Variants in JAKMIP2 observed in about 807,000 individuals in gnomAD.
JAKMIP2 encodes the protein janus kinase and microtubule-interacting protein 2.
Under a neutral mutation model 115.0 loss-of-function variants are expected in JAKMIP2, and 25 were observed. The ratio of observed to expected loss-of-function variants is 0.22; its 90% CI spans 0.16 to 0.30. JAKMIP2 has a LOEUF of 0.30. JAKMIP2 is among the 10% of genes least tolerant of loss of function. JAKMIP2 has a pLI of 1.00. For synonymous variants in JAKMIP2, 334 were observed against 343.6 expected, an observed-to-expected ratio of 0.97 and a Z score of 0.31; for missense variants, 642 against 957.6, an observed-to-expected ratio of 0.67 and a Z score of 4.35.
intron 20 of JAKMIP2, among the ~76,000 whole-genome samples, chr5:147,607,063 G>C (rs1397219648): frequency 6.6e-6 from 1 of 152,152 alleles, no homozygotes. Context: ...TCAGCTTAAG[G>C]AGTTTTTGGG....
intron 1 of JAKMIP2, among the ~76,000 whole-genome samples, chr5:147,764,184 C>G (rs1755028643): frequency 6.6e-6 from 1 of 152,112 alleles, no homozygotes; most frequent in South Asian, 2.1e-4. Flanking sequence ...GAATTTGTTC[C>G]TCAAACAGAG....
At chr5:147,597,351 T>A (rs1024611194) in intron 21 of JAKMIP2, among the ~76,000 whole-genome samples, 17 of 152,212 alleles carry the variant, frequency 1.1e-4, no homozygotes, top group Admixed American at 1.0e-3. Context: ...ATGTGCCTTT[T>A]AAAATTTTTC....
intron 1 of JAKMIP2, among the ~76,000 whole-genome samples, chr5:147,773,513 T>G (rs1046901033): frequency 6.6e-6 from 1 of 152,134 alleles, no homozygotes; most frequent in Admixed American, 6.6e-5. Context: ...TGGCTAGAAA[T>G]ATTAATTCTT....
At chr5:147,637,436 G>GTTTTTTTTTTT (rs1561506660) in intron 10 of JAKMIP2, among the ~76,000 whole-genome samples, 2 of 74,038 alleles carry the variant, frequency 2.7e-5, no homozygotes, top group African/African-American at 5.4e-5. Flanking sequence ...AAATTCTTTT[G>GTTTTTTTTTTT]ATTTTTTTTT....
At chr5:147,719,146 A>T (rs1473046472) in intron 1 of JAKMIP2, among the ~76,000 whole-genome samples, 2 of 132,428 alleles carry the variant, frequency 1.5e-5, no homozygotes, top group Non-Finnish European at 3.1e-5. Flanking sequence ...GTTTCCATGT[A>T]GTTGAGTGGT....
chr5:147,673,098 T>G (rs373857667), intron 1 of JAKMIP2, among the ~76,000 whole-genome samples: 1 of 152,054 alleles, frequency 6.6e-6, no homozygotes, highest in Non-Finnish European at 1.5e-5. Flanking sequence ...GAAGACCACA[T>G]AGAAGGCAAC....
intron 1 of JAKMIP2, among the ~76,000 whole-genome samples, chr5:147,686,866 G>C (rs1271250764): frequency 1.3e-5 from 2 of 151,896 alleles, no homozygotes; most frequent in Admixed American, 1.3e-4. Context: ...TTATTACCTG[G>C]CACATGAAAC....
intron 1 of JAKMIP2, among the ~76,000 whole-genome samples, chr5:147,722,865 CT>C (rs61038460): frequency 0.13 from 20,105 of 151,382 alleles, 1,960 homozygotes; most frequent in East Asian, 0.36. Context: ...ATTCCATCCT[CT>C]TTTTTTTTAT....
In JAKMIP2 at chr5:147,717,612, T is replaced by C. The variant is rs1161939688; in HGVS notation, c.-148-45658A>G. ...TATTTTATTCTCTTTGAAGCAATTG[T>C]GAATGGGAGTTCACTCATGATTTGG... On this transcript the variant is annotated intron_variant, in intron 1 of 21. Coordinates refer to ENST00000616793, the MANE Select transcript of JAKMIP2 (RefSeq NM_001270941.2). Among the ~76,000 whole-genome samples, 8 of 149,286 alleles carry C rather than the reference T, an allele frequency of 5.4e-5. 1 individual carries two copies. Among genetic ancestry groups the C allele is most frequent in the Admixed American group, 5.3e-4 (8 of 14,980 alleles).
At chr5:147,743,053 A>C (rs1714591621) in intron 1 of JAKMIP2, among the ~76,000 whole-genome samples, 1 of 152,202 alleles carries the variant, frequency 6.6e-6, no homozygotes, top group Non-Finnish European at 1.5e-5. Context: ...TGTAATCATA[A>C]TCAACTTTAC....
At chr5:147,701,066 T>C (rs1477895539) in intron 1 of JAKMIP2, among the ~76,000 whole-genome samples, 1 of 151,962 alleles carries the variant, frequency 6.6e-6, no homozygotes, top group Non-Finnish European at 1.5e-5. Context: ...GAATTTGTTT[T>C]GTAAAAAAAG....
chr5:147,677,545 C>T (rs1760035131), intron 1 of JAKMIP2, among the ~76,000 whole-genome samples: 1 of 152,178 alleles, frequency 6.6e-6, no homozygotes, highest in Non-Finnish European at 1.5e-5. Context: ...TGGCAGGGTA[C>T]TTCTGGAGAC....
intron 3 of JAKMIP2, among the ~76,000 whole-genome samples, chr5:147,653,065 T>A (rs1189864580): frequency 6.6e-6 from 1 of 152,218 alleles, no homozygotes; most frequent in African/African-American, 2.4e-5. Flanking sequence ...TGCATAGTAT[T>A]CCATGGTGCA....
chr5:147,614,151 C>A (rs1323116847), intron 19 of JAKMIP2, among the ~76,000 whole-genome samples: 1 of 152,164 alleles, frequency 6.6e-6, no homozygotes, highest in Non-Finnish European at 1.5e-5. Context: ...GCTTGTTGGG[C>A]ACCTCCTTAC....
chr5:147,726,077 C>T (rs1561561890), intron 1 of JAKMIP2, among the ~76,000 whole-genome samples: 1 of 152,150 alleles, frequency 6.6e-6, no homozygotes, highest in South Asian at 2.1e-4. Context: ...ACAGACAATG[C>T]TTTTCTCCTT....
intron 12 of JAKMIP2, among the ~76,000 whole-genome samples, chr5:147,633,569 C>T (rs1279030148): frequency 6.6e-6 from 1 of 152,192 alleles, no homozygotes. Context: ...GACACCTCTC[C>T]TTTTGTTTTC....
chr5:147,629,419 T>C (rs748402752), intron 15 of JAKMIP2, among the ~76,000 whole-genome samples: 7 of 152,130 alleles, frequency 4.6e-5, no homozygotes, highest in Middle Eastern at 3.2e-3. Context: ...CAGACAATAA[T>C]TAGCTTTACT....
In JAKMIP2 at chr5:147,725,284, G is replaced by C. The variant is rs374254318; in HGVS notation, c.-148-53330C>G. ...TCATGAATAATCCACCCCTTGTTTAGCATGTAATTATTAAAGAAGTAATTT... is the reference window on the plus strand; with the variant it reads ...TCATGAATAATCCACCCCTTGTTTACCATGTAATTATTAAAGAAGTAATTT... On this transcript the variant is annotated intron_variant, in intron 1 of 21. Transcript: ENST00000616793. Among the ~76,000 whole-genome samples the C allele has an allele frequency of 7.5e-4, 114 of 152,160 alleles. 4 individuals carry two copies. In the South Asian group the frequency reaches 0.023, roughly 31 times the overall value.
chr5:147,738,509 A>G (rs964492751), intron 1 of JAKMIP2, among the ~76,000 whole-genome samples: 1 of 152,200 alleles, frequency 6.6e-6, no homozygotes, highest in Non-Finnish European at 1.5e-5. Flanking sequence ...TTCAAAAAGC[A>G]GCAATAGTAC....
Sources: gnomAD v4.1 joint callset for allele counts (sites outside exome capture counted in the v4.1 genomes callset) on GRCh38, gnomAD v4.1.1 for gene constraint, MANE v1.5 for transcripts, NCBI Gene and HGNC (gene_info 2026-07-23, HGNC 2026-07-21) for gene names.